TRAP1: variants seen among roughly 807,000 people sequenced by gnomAD.
TRAP1 encodes heat shock protein 75 kDa, mitochondrial.
Under a neutral mutation model 89.1 loss-of-function variants are expected in TRAP1, and 102 were observed. The observed-to-expected ratio is 1.15, with a 90% CI of 0.98 to 1.35. The LOEUF is 1.35. TRAP1 is among the 40% of genes most tolerant of loss of function. TRAP1 has a pLI of 0.00. For synonymous variants in TRAP1, 508 were observed against 388.0 expected, an observed-to-expected ratio of 1.31 and a Z score of -3.64; for missense variants, 1,256 against 945.3, an observed-to-expected ratio of 1.33 and a Z score of -4.31.
At chr16:3,677,742 G>T (rs891396654) in intron 5 of TRAP1, 84 bp from the exon 6 acceptor site, 2 of 1,469,872 alleles carry the variant, frequency 1.4e-6, no homozygotes, top group Non-Finnish European at 1.8e-6. Flanking sequence ...TGCGAGCACC[G>T]CTAAGACCCC....
chr16:3,708,062 T>C (rs1451637313), intron 1 of TRAP1, among the ~76,000 whole-genome samples: 21 of 151,514 alleles, frequency 1.4e-4, no homozygotes, highest in Non-Finnish European at 1.8e-4. Flanking sequence ...TGGCACATGC[T>C]CCTTGGGAGG....
intron 2 of TRAP1, among the ~76,000 whole-genome samples, chr16:3,690,572 G>T (rs767569820): frequency 2.6e-5 from 4 of 152,174 alleles, no homozygotes; most frequent in South Asian, 2.1e-4. Flanking sequence ...GATGTGCCAT[G>T]AATCACCACT....
chr16:3,703,290 C>T (rs916092310), intron 1 of TRAP1, among the ~76,000 whole-genome samples: 6 of 151,510 alleles, frequency 4.0e-5, no homozygotes, highest in Non-Finnish European at 7.4e-5. Flanking sequence ...AAATAACCCA[C>T]TTAAGACTGT....
At chr16:3,665,922 C>T (rs2050820528) in intron 12 of TRAP1, 49 bp downstream of exon 12, 1 of 1,585,146 alleles carries the variant, frequency 6.3e-7, no homozygotes, top group South Asian at 1.2e-5. Flanking sequence ...CCTCAGCAGC[C>T]CCAGGGACAA....
At chr16:3,713,643 T>C (rs1309194701) in intron 1 of TRAP1, among the ~76,000 whole-genome samples, 2 of 152,214 alleles carry the variant, frequency 1.3e-5, no homozygotes, top group African/African-American at 2.4e-5. Context: ...CTCGGCACCC[T>C]TGGTGATTGT....
At chr16:3,692,463 G>C (rs1227581852) in intron 1 of TRAP1, among the ~76,000 whole-genome samples, 2 of 150,878 alleles carry the variant, frequency 1.3e-5, no homozygotes, top group East Asian at 3.9e-4. Flanking sequence ...TTGAACTTGG[G>C]AAGTGGAGGT....
intron 1 of TRAP1, among the ~76,000 whole-genome samples, chr16:3,697,746 C>T (rs1429745636): frequency 6.7e-6 from 1 of 149,360 alleles, no homozygotes; most frequent in African/African-American, 2.4e-5. Flanking sequence ...CCCCATGTTT[C>T]ATTTTTCTAG....
chr16:3,676,527 C>A (rs944435636), intron 6 of TRAP1: 8 of 164,836 alleles, frequency 4.9e-5, no homozygotes, highest in Admixed American at 1.3e-4. Flanking sequence ...GGGACAGGCG[C>A]CCCCTAAGAA....
At chr16:3,709,405 T>C (rs2051496539) in intron 1 of TRAP1, among the ~76,000 whole-genome samples, 1 of 152,172 alleles carries the variant, frequency 6.6e-6, no homozygotes, top group South Asian at 2.1e-4. Context: ...ACAGATGTTT[T>C]AAATACTGTC....
Position 3,658,174 on chromosome 16 carries a change from C to G in TRAP1, c.2070G>C (p.Val690=). Residue 690 remains valine, a synonymous_variant, in exon 18 of 18, where the codon GTG becomes GTC. Transcript: ENST00000246957. ...AGLVDDPRAM[V]GRLNELLVKA... is the part of the protein sequence containing the mutation. ...TGACAAGCAGCTCATTCAAGCGGCC[C>G]ACCATGGCCCTAGGGTCGTCAACAA... is the stretch of plus-strand genomic sequence containing the variant. 1 of 1,614,106 alleles carries G rather than the reference C, an allele frequency of 6.2e-7. No homozygotes were observed. Among genetic ancestry groups the G allele is most frequent in the Non-Finnish European group, 8.5e-7 (1 of 1,180,006 alleles).
intron 1 of TRAP1, among the ~76,000 whole-genome samples, chr16:3,697,009 A>G (rs1474172404): frequency 2.0e-5 from 3 of 152,182 alleles, no homozygotes; most frequent in African/African-American, 7.2e-5. Context: ...TAGAGCCGTA[A>G]GACACCACGC....
intron 16 of TRAP1, chr16:3,659,171 A>T: frequency 3.4e-6 from 1 of 296,404 alleles, no homozygotes; most frequent in Non-Finnish European, 6.3e-6. Flanking sequence ...ATAATAAAAG[A>T]GAAGGGAGTA....
In TRAP1 at chr16:3,679,788, A is replaced by T; in HGVS notation, c.474T>A (p.Asp158Glu). The change falls in exon 5 of 18, where the codon GAT becomes GAA. Residue 158 changes from aspartate to glutamate, a missense_variant and splice_region_variant. Transcript: ENST00000246957. Reference sequence around the variant, plus strand: ...CTTCCTGTGTCATCCCGATACCAGTATCCTGAGGAGAGAGACGCACTAAGT... The same window carrying T: ...CTTCCTGTGTCATCCCGATACCAGTTTCCTGAGGAGAGAGACGCACTAAGT... ...NAEKGTITIQ[D>E]TGIGMTQEEL... 1.9e-6 allele frequency: 3 copies of T among 1,614,088 alleles called. No homozygotes were observed.
At chr16:3,687,542 C>A (rs1293514721) in intron 3 of TRAP1, among the ~76,000 whole-genome samples, 1 of 152,168 alleles carries the variant, frequency 6.6e-6, no homozygotes, top group Non-Finnish European at 1.5e-5. Flanking sequence ...CCAGCTGTCC[C>A]TCAGGAGCTG....
Position 3,702,859 on chromosome 16 carries a change from A to G in TRAP1, c.89-11874T>C, listed in dbSNP as rs1283314516. 4.0e-5 allele frequency among the ~76,000 whole-genome samples: 6 copies of G among 151,500 alleles called. 1 individual carries two copies. The highest frequency in any genetic ancestry group is 1.5e-4 in the African/African-American group (6 of 40,908). On this transcript the variant is annotated intron_variant, in intron 1 of 17. Coordinates refer to ENST00000246957, the MANE Select transcript of TRAP1 (RefSeq NM_016292.3). ...GGAGTTTGAGACCAGCCTGACCAAC[A>G]TGGAGAAACTCCATCTCTACTAAAA...
rs760069677 is a variant in TRAP1, at chr16:3,663,538, C to T, written c.1594G>A (p.Asp532Asn). Residue 532 changes from aspartate to asparagine, a missense_variant, in exon 14 of 18, where the codon GAT (aspartate) becomes AAT (asparagine). Asp to Asn is a conservative substitution (Grantham distance 23, BLOSUM62 1). Coordinates refer to ENST00000246957, the MANE Select transcript of TRAP1 (RefSeq NM_016292.3). ...CGAAGGTGCAGCAGGGTGAGCTCAT[C>T]AAACTGCTCAAAGCAGAAGAGAACC... ...TEVLFCFEQF[D>N]ELTLLHLREF... is the part of the protein sequence containing the mutation. 1 of 1,614,108 alleles carries T rather than the reference C, an allele frequency of 6.2e-7. No homozygotes were observed. Among genetic ancestry groups the T allele is most frequent in the East Asian group, 2.2e-5 (1 of 44,882 alleles).
chr16:3,663,526 G>A lies in TRAP1; in HGVS notation c.1606C>T (p.Leu536=), dbSNP rs1304938258. The change falls in exon 14 of 18, where the codon CTG becomes TTG. Residue 536 remains leucine, a synonymous_variant. Transcript: ENST00000246957. ...FCFEQFDELT[L]LHLREFDKKK... ...TTGTCAAACTCACGAAGGTGCAGCA[G>A]GGTGAGCTCATCAAACTGCTCAAAG... 1.2e-6 allele frequency: 2 copies of A among 1,614,148 alleles called. No individual in the cohort carries two copies. Among genetic ancestry groups the A allele is most frequent in the Admixed American group, 3.3e-5 (2 of 60,024 alleles).
At chr16:3,716,980 T>A (rs2051605799) in intron 1 of TRAP1, among the ~76,000 whole-genome samples, 1 of 152,172 alleles carries the variant, frequency 6.6e-6, no homozygotes, top group Non-Finnish European at 1.5e-5. Flanking sequence ...CTCAGTGCGC[T>A]ACTGGGAGGC....
intron 4 of TRAP1, 150 bp from the exon 5 acceptor site, chr16:3,679,940 A>T: frequency 1.4e-6 from 1 of 694,266 alleles, no homozygotes; most frequent in South Asian, 1.6e-5. Context: ...GAAAAGACTA[A>T]TTCTAGGGGC....
Sources: allele counts gnomAD v4.1 joint callset (sites outside exome capture counted in the v4.1 genomes callset), GRCh38; gene constraint gnomAD v4.1.1; transcripts MANE v1.5; gene names NCBI Gene and HGNC (gene_info 2026-07-23, HGNC 2026-07-21).